Variants in NHSL2 observed in about 807,000 individuals in gnomAD.
NHSL2 encodes NHS-like protein 2.
A neutral mutation model predicts 53.4 loss-of-function variants in NHSL2; 27 were observed. That is an observed-to-expected ratio of 0.51 (90% CI 0.37 to 0.70). NHSL2 has a LOEUF of 0.70. NHSL2 is among the 30% of genes least tolerant of loss of function. NHSL2 has a pLI of 0.00. For synonymous variants in NHSL2, 408 were observed against 404.1 expected (o/e 1.01, Z -0.12); for missense variants, 892 against 980.1 (o/e 0.91, Z 1.20).
At chrX:72,042,992 G>C (rs1240152324) in intron 1 of NHSL2, among the ~76,000 whole-genome samples, 1 of 111,451 alleles carries the variant, frequency 9.0e-6, no homozygotes, top group African/African-American at 3.3e-5. Flanking sequence ...CCACACATCT[G>C]TTCTGTGCCA....
intron 1 of NHSL2, among the ~76,000 whole-genome samples, chrX:72,063,187 A>C (rs997499842): frequency 6.3e-5 from 7 of 111,884 alleles, no homozygotes; most frequent in African/African-American, 2.3e-4. Context: ...GATAGGGGCC[A>C]AAAAAGAAAA....
At chrX:72,086,045 G>C in intron 1 of NHSL2, among the ~76,000 whole-genome samples, 1 of 111,955 alleles carries the variant, frequency 8.9e-6, no homozygotes, top group African/African-American at 3.2e-5. Context: ...TGGTCCCAGA[G>C]TTCACCTAAA....
At chrX:72,082,318 G>A (rs779608833) in intron 1 of NHSL2, among the ~76,000 whole-genome samples, 1 of 111,667 alleles carries the variant, frequency 9.0e-6, no homozygotes, top group East Asian at 2.8e-4. Context: ...CCAGGCCTGT[G>A]CTAGGAGCTT....
At chrX:72,019,118 A>G (rs1347307442) in intron 1 of NHSL2, among the ~76,000 whole-genome samples, 1 of 111,928 alleles carries the variant, frequency 8.9e-6, no homozygotes, top group Admixed American at 9.3e-5. Context: ...GAATCTGCCT[A>G]AGGACCCAGT....
At position 72,143,733 on chromosome X, in the gene NHSL2, T is replaced by C; in HGVS notation, c.*159T>C. 2.5e-6 allele frequency: 1 copy of C among 405,916 alleles called. No individual in the cohort carries two copies. Among genetic ancestry groups the C allele is most frequent in the African/African-American group, 2.5e-5 (1 of 40,088 alleles). 33.5% of individuals were successfully genotyped at this position (405,916 alleles called of 1,213,427 possible). Reference sequence around the variant, plus strand: ...GGAGAGAGGCTACTTCATCTAGAGCTAAAATCATCTGGCACTTAATCATCT... The same window carrying C: ...GGAGAGAGGCTACTTCATCTAGAGCCAAAATCATCTGGCACTTAATCATCT... On this transcript the variant is annotated 3_prime_UTR_variant, in exon 8 of 8. Coordinates refer to ENST00000633930, the MANE Select transcript of NHSL2 (RefSeq NM_001013627.3).
intron 1 of NHSL2, among the ~76,000 whole-genome samples, chrX:72,084,038 A>G (rs762489204): frequency 8.9e-6 from 1 of 112,075 alleles, no homozygotes; most frequent in Non-Finnish European, 1.9e-5. Flanking sequence ...CTCAGTTTAA[A>G]TGGCACCTCC....
chrX:72,139,604 A>T lies in NHSL2; in HGVS notation c.2056A>T (p.Thr686Ser). ...LASPSTSRATTPSQLSIEVEA... is the reference protein window; with the variant it reads ...LASPSTSRATSPSQLSIEVEA... ...CTCACCTTCCACCTCCAGAGCCACT[A>T]CACCTTCCCAACTCTCCATTGAAGT... The change falls in exon 6 of 8, where the codon ACA becomes TCA. Residue 686 changes from threonine to serine, a missense_variant. By Grantham distance (58) the Thr-to-Ser change is moderately conservative. Transcript: ENST00000633930. 8.3e-7 allele frequency: 1 copy of T among 1,210,338 alleles called. No individual in the cohort carries two copies. Among genetic ancestry groups the T allele is most frequent in the African/African-American group, 1.7e-5 (1 of 57,581 alleles).
chrX:71,923,514 G>A (rs954981080), intron 1 of NHSL2, among the ~76,000 whole-genome samples: 2 of 112,263 alleles, frequency 1.8e-5, no homozygotes, highest in Non-Finnish European at 3.8e-5. Flanking sequence ...AACAGTATAA[G>A]TGGTCCTGTA....
At chrX:71,977,341 C>A (rs1387197972) in intron 1 of NHSL2, among the ~76,000 whole-genome samples, 2 of 111,622 alleles carry the variant, frequency 1.8e-5, no homozygotes, top group Non-Finnish European at 3.8e-5. Flanking sequence ...TTGCCTCACA[C>A]ACAGTAAGTT....
At chrX:72,001,624 G>T (rs2042073237) in intron 1 of NHSL2, among the ~76,000 whole-genome samples, 1 of 111,185 alleles carries the variant, frequency 9.0e-6, no homozygotes, top group Non-Finnish European at 1.9e-5. Flanking sequence ...CAACCGAATG[G>T]CCAGAAGTTG....
intron 1 of NHSL2, among the ~76,000 whole-genome samples, chrX:72,024,646 G>A (rs898172081): frequency 1.8e-5 from 2 of 112,019 alleles, no homozygotes; most frequent in Non-Finnish European, 3.8e-5. Flanking sequence ...TTCTGGGGCA[G>A]TAAGCCACAG....
chrX:72,087,654 G>T (rs1029747935), intron 1 of NHSL2, among the ~76,000 whole-genome samples: 2 of 107,506 alleles, frequency 1.9e-5, no homozygotes. Flanking sequence ...GGCAGATCAC[G>T]AGGTCAGGAG....
intron 1 of NHSL2, among the ~76,000 whole-genome samples, chrX:72,092,862 G>A (rs1384938032): frequency 1.8e-5 from 2 of 112,095 alleles, no homozygotes; most frequent in Non-Finnish European, 3.7e-5. Flanking sequence ...TGGTGACCTT[G>A]GGCAAGTTTC....
chrX:72,093,738 C>CTTTCT (rs1556356544), intron 1 of NHSL2, among the ~76,000 whole-genome samples: 2 of 103,774 alleles, frequency 1.9e-5, no homozygotes, highest in African/African-American at 7.1e-5. Flanking sequence ...TTCTTTCTTT[C>CTTTCT]TTTCTTTCTT....
chrX:72,016,364 T>G, intron 1 of NHSL2, among the ~76,000 whole-genome samples: 1 of 112,277 alleles, frequency 8.9e-6, no homozygotes, highest in Non-Finnish European at 1.9e-5. Flanking sequence ...CCACACCCTG[T>G]TAATTACTGT....
At chrX:72,047,061 A>G (rs776028935) in intron 1 of NHSL2, among the ~76,000 whole-genome samples, 1 of 111,726 alleles carries the variant, frequency 9.0e-6, no homozygotes, top group South Asian at 3.7e-4. Context: ...CACACACAAT[A>G]GCTGTCATTC....
intron 1 of NHSL2, among the ~76,000 whole-genome samples, chrX:72,115,655 G>T (rs1390739809): frequency 1.8e-5 from 2 of 110,653 alleles, no homozygotes; most frequent in Admixed American, 1.9e-4. Context: ...GGGCTGGCAC[G>T]GATAAGACAA....
Position 72,140,012 on chromosome X carries a change from A to G in NHSL2, c.2464A>G (p.Met822Val), listed in dbSNP as rs1201813679. 14 of 1,210,194 alleles carry G rather than the reference A, an allele frequency of 1.2e-5. No individual in the cohort carries two copies. The highest frequency in any genetic ancestry group is 3.0e-5 in the East Asian group (1 of 33,818). Reference protein sequence around the residue: ...KTNPNQPIMPMVTQSDLRSVR... With the variant: ...KTNPNQPIMPVVTQSDLRSVR... ...TAATCCCAACCAGCCAATCATGCCT[A>G]TGGTTACTCAGTCCGACCTACGTTC... The change falls in exon 6 of 8, where the codon ATG becomes GTG. Residue 822 changes from methionine (M) to valine (V), a missense_variant. Coordinates refer to ENST00000633930, the MANE Select transcript of NHSL2 (RefSeq NM_001013627.3).
At chrX:72,125,850 C>T (rs2042220525) in intron 1 of NHSL2, among the ~76,000 whole-genome samples, 1 of 112,253 alleles carries the variant, frequency 8.9e-6, no homozygotes, top group East Asian at 2.8e-4. Flanking sequence ...CCCAGAGCTT[C>T]CAGAGATGGT....
Sources: gnomAD v4.1 joint callset for allele counts (sites outside exome capture counted in the v4.1 genomes callset) on GRCh38, gnomAD v4.1.1 for gene constraint, MANE v1.5 for transcripts, NCBI Gene and HGNC (gene_info 2026-07-23, HGNC 2026-07-21) for gene names.